The following HDHD2 variants were observed in gnomAD, a reference collection of about 807,000 sequenced individuals.
HDHD2 encodes haloacid dehalogenase-like hydrolase domain-containing protein 2.
HDHD2 carries 26 observed loss-of-function variants against 24.8 expected under a neutral mutation model. That is an observed-to-expected ratio of 1.05 (90% CI 0.77 to 1.45). The LOEUF is 1.45. Among genes scored for constraint, HDHD2 ranks in the 40% most tolerant of loss-of-function variants. The probability of loss-of-function intolerance (pLI) is 0.00; values close to 1 mark genes in which losing one functional copy is unlikely to be tolerated. For missense variants in HDHD2, 299 were observed against 313.4 expected (o/e 0.95, Z 0.35); for synonymous variants, 128 against 114.9 (o/e 1.11, Z -0.73).
chr18:47,128,222 G>A (rs1056142752), intron 4 of HDHD2, among the ~76,000 whole-genome samples: 24 of 152,190 alleles, frequency 1.6e-4, no homozygotes, highest in Non-Finnish European at 3.4e-4. Flanking sequence ...TACAAAGTCA[G>A]TATTATGTCA....
chr18:47,116,998 C>T (rs1413919388), intron 4 of HDHD2, among the ~76,000 whole-genome samples: 2 of 152,144 alleles, frequency 1.3e-5, no homozygotes, highest in Non-Finnish European at 2.9e-5. Context: ...TAAATGGGAA[C>T]TGGTTCTACA....
chr18:47,112,255 G>A (rs150493099), intron 6 of HDHD2, among the ~76,000 whole-genome samples: 5 of 152,198 alleles, frequency 3.3e-5, no homozygotes, highest in East Asian at 1.9e-4. Context: ...CTATGAGGGC[G>A]AGATGGGACC....
At chr18:47,122,135 G>C (rs2063613098) in intron 4 of HDHD2, among the ~76,000 whole-genome samples, 1 of 152,000 alleles carries the variant, frequency 6.6e-6, no homozygotes, top group Non-Finnish European at 1.5e-5. Flanking sequence ...ATAAGGCCTG[G>C]TACCTTTTGC....
intron 4 of HDHD2, among the ~76,000 whole-genome samples, chr18:47,121,315 A>G (rs2063604785): frequency 6.6e-6 from 1 of 152,050 alleles, no homozygotes; most frequent in Non-Finnish European, 1.5e-5. Context: ...ACTCCCCAAA[A>G]GTGTTTCTTT....
At chr18:47,138,596 TAGG>T (rs776542947) in intron 1 of HDHD2, among the ~76,000 whole-genome samples, 46 of 152,220 alleles carry the variant, frequency 3.0e-4, no homozygotes, top group Admixed American at 6.5e-4. Context: ...AATAAGTTAA[TAGG>T]AGATTTCTTA....
rs902461165 is a variant in HDHD2 at position 47,108,523 on chromosome 18, C to A, written c.*159G>T. ...ATTAGCAAGGCTTACTGGCTAGCCG[C>A]AATTCAATACCTTTCTTTCTAATTA... On this transcript the variant is annotated 3_prime_UTR_variant, in exon 7 of 7. Coordinates refer to ENST00000300605, the MANE Select transcript of HDHD2 (RefSeq NM_032124.5). The A allele has an allele frequency of 2.5e-5, 12 of 471,910 alleles. No homozygotes were observed. The highest frequency in any genetic ancestry group is 3.7e-5 in the Non-Finnish European group (10 of 270,988). The allele number at this position is 471,910 out of a possible 1,614,324, so 29.2% of individuals were successfully genotyped here. A position where few individuals can be genotyped will look rare whatever the true frequency, so the allele number is the denominator to read the frequency against.
In HDHD2 at chr18:47,112,977, C is replaced by T. The variant is rs528196159; in HGVS notation, c.676G>A (p.Gly226Arg). 2 of 1,611,712 alleles carry T rather than the reference C, an allele frequency of 1.2e-6. No homozygotes were observed. The highest frequency in any genetic ancestry group is 3.3e-5 in the Admixed American group (2 of 60,012). The part of the protein sequence containing the change: ...VGMLGILVKT[G>R]KYRASDEEKI... ...AATGCTTTATACAGAAGATACATAC[C>T]AGTCTTTACTAAGATGCCCAGCATG... is the stretch of plus-strand genomic sequence containing the variant. The change falls in exon 6 of 7, where the codon GGG becomes AGG. Residue 226 changes from glycine (G) to arginine (R), a missense_variant and splice_region_variant. Physicochemically the swap from Gly to Arg is moderately radical, Grantham distance 125 (BLOSUM62 -2). Transcript: ENST00000300605.
At chr18:47,115,374 C>G (rs768000489) in intron 4 of HDHD2, 26 bp from the exon 5 acceptor site, 1 of 1,563,038 alleles carries the variant, frequency 6.4e-7, no homozygotes, top group South Asian at 1.1e-5. Flanking sequence ...ACAAAAAAAA[C>G]AAATTGGCTA....
In HDHD2 at chr18:47,139,464, CAAAAAAAAAAAAA is replaced by C. The variant is rs760347919; in HGVS notation, c.-10-3028_-10-3016del. Among the ~76,000 whole-genome samples, 8 of 50,482 alleles carry C rather than the reference CAAAAAAAAAAAAA, an allele frequency of 1.6e-4. No homozygotes were observed. In the East Asian group the frequency reaches 3.4e-3, roughly 22 times the overall value. 33.1% of individuals were successfully genotyped at this position (50,482 alleles called of 152,430 possible). On this transcript the variant is annotated intron_variant, in intron 1 of 6. Coordinates refer to ENST00000300605, the MANE Select transcript of HDHD2 (RefSeq NM_032124.5). Reference sequence around the variant, plus strand: ...TGGGTGACAGAGCGAGACTCTGTCTCAAAAAAAAAAAAAAAAAAAAAAAAAAAATCCTTTGTAG... The same window carrying C: ...TGGGTGACAGAGCGAGACTCTGTCTCAAAAAAAAAAAAAAATCCTTTGTAG...
chr18:47,147,990 CTTT>C (rs11390608), intron 1 of HDHD2, among the ~76,000 whole-genome samples: 3 of 137,982 alleles, frequency 2.2e-5, no homozygotes, highest in Admixed American at 7.2e-5. Context: ...TTTTTTCTTT[CTTT>C]TTTTTTTTTT....
intron 5 of HDHD2, 152 bp downstream of exon 5, chr18:47,114,980 G>A (rs145086618): frequency 1.8e-4 from 102 of 561,658 alleles, no homozygotes; most frequent in African/African-American, 1.1e-3. Context: ...ACTAAACATC[G>A]ACAGGAAACC....
intron 6 of HDHD2, chr18:47,109,717 C>T (rs1004159986): frequency 6.5e-6 from 1 of 153,032 alleles, no homozygotes; most frequent in Non-Finnish European, 1.5e-5. Flanking sequence ...TGCTTCAGGT[C>T]AGACCCCACC....
chr18:47,114,068 G>A (rs1306438034), intron 5 of HDHD2, among the ~76,000 whole-genome samples: 2 of 152,152 alleles, frequency 1.3e-5, no homozygotes, highest in East Asian at 3.9e-4. Flanking sequence ...GAATTCTGAA[G>A]GCTCCAGCTC....
At chr18:47,132,550 T>C (rs982809734) in intron 3 of HDHD2, among the ~76,000 whole-genome samples, 3 of 152,228 alleles carry the variant, frequency 2.0e-5, no homozygotes, top group Non-Finnish European at 4.4e-5. Flanking sequence ...AGCACTCAGA[T>C]GCTTTTAGTA....
intron 5 of HDHD2, 39 bp downstream of exon 5, chr18:47,115,093 C>T (rs781525318): frequency 1.3e-6 from 2 of 1,486,742 alleles, no homozygotes; most frequent in South Asian, 1.1e-5. Flanking sequence ...CCCAGCACAA[C>T]AGGTGAGCTG....
chr18:47,138,986 A>C (rs989847227), intron 1 of HDHD2, among the ~76,000 whole-genome samples: 1 of 152,172 alleles, frequency 6.6e-6, no homozygotes, highest in Non-Finnish European at 1.5e-5. Context: ...ATAGGGCTCC[A>C]TGGGGGCTTT....
At chr18:47,136,642 G>GTT (rs144963110) in intron 1 of HDHD2, among the ~76,000 whole-genome samples, 193 bp from the exon 2 acceptor site, 5 of 142,892 alleles carry the variant, frequency 3.5e-5, no homozygotes, top group Non-Finnish European at 6.1e-5. Context: ...CAATACTTAG[G>GTT]TTTTTTTTTA....
At chr18:47,122,327 G>C (rs1191326008) in intron 4 of HDHD2, among the ~76,000 whole-genome samples, 1 of 152,058 alleles carries the variant, frequency 6.6e-6, no homozygotes, top group Non-Finnish European at 1.5e-5. Context: ...ACTAGTTCAG[G>C]GCTTTTCAGC....
rs201713062 is a variant in HDHD2, at chr18:47,129,008, TTTA to T, written c.395+1233_395+1235del. Among the ~76,000 whole-genome samples, 1,487 of 152,322 alleles carry T rather than the reference TTTA, an allele frequency of 9.8e-3. 15 individuals are homozygous for T. The highest frequency in any genetic ancestry group is 0.061 in the Middle Eastern group (18 of 294). On this transcript the variant is annotated intron_variant, in intron 4 of 6. Coordinates refer to ENST00000300605, the MANE Select transcript of HDHD2 (RefSeq NM_032124.5). ...TAAGAAAATTCTGGTTTGTTTTTTT[TTTA>T]TAGCATTCTTGCAGTTAAATACAAA...
Sources: gnomAD v4.1 joint callset for allele counts (sites outside exome capture counted in the v4.1 genomes callset) on GRCh38, gnomAD v4.1.1 for gene constraint, MANE v1.5 for transcripts, NCBI Gene and HGNC (gene_info 2026-07-23, HGNC 2026-07-21) for gene names.